Variants in AP3S2 observed in about 807,000 individuals in gnomAD.
AP3S2 encodes the protein AP-3 complex subunit sigma-2.
AP3S2 carries 22 observed loss-of-function variants against 23.4 expected under a neutral mutation model. The ratio of observed to expected loss-of-function variants is 0.94; its 90% CI spans 0.67 to 1.34. The LOEUF is 1.34. Ranked by LOEUF, AP3S2 falls within the 40% of genes most tolerant of loss-of-function variation. The probability of loss-of-function intolerance (pLI) is 0.00; values close to 1 mark genes in which losing one functional copy is unlikely to be tolerated. For missense variants in AP3S2, 241 were observed against 236.9 expected, an observed-to-expected ratio of 1.02 and a Z score of -0.11; for synonymous variants, 86 against 87.1, an observed-to-expected ratio of 0.99 and a Z score of 0.07.
At chr15:89,867,075 C>A (rs1596206713) in intron 4 of AP3S2, among the ~76,000 whole-genome samples, 1 of 146,082 alleles carries the variant, frequency 6.8e-6, no homozygotes, top group South Asian at 2.3e-4. Context: ...CATGCGGAGC[C>A]GAAGCTGGAC....
In AP3S2 at chr15:89,837,638, G is replaced by C. The variant is rs750158643; in HGVS notation, c.430C>G (p.Gln144Glu). The stretch of plus-strand genomic sequence containing the variant: ...ACCTCGGATTTCTCCAGCCTGTTTT[G>C]AGCCTCAATCTGAGCCACGATTTCA... ...MNEIVAQIEA[Q>E]NRLEKSEGGL... The change falls in exon 5 of 6, where the codon CAA (glutamine) becomes GAA (glutamate). Residue 144 changes from glutamine to glutamate, a missense_variant. By Grantham distance (29) the Gln-to-Glu change is conservative. Transcript: ENST00000336418. 6.8e-6 allele frequency: 11 copies of C among 1,613,980 alleles called. No homozygotes were observed. The highest frequency in any genetic ancestry group is 9.3e-6 in the Non-Finnish European group (11 of 1,180,026).
intron 3 of AP3S2, among the ~76,000 whole-genome samples, chr15:89,874,746 C>T (rs1896401923): frequency 6.6e-6 from 1 of 152,220 alleles, no homozygotes; most frequent in Non-Finnish European, 1.5e-5. Context: ...TGCACCACTG[C>T]ATTCCAGCCT....
At position 89,868,932 on chromosome 15, in the gene AP3S2, G is replaced by A. The variant is rs1232527590; in HGVS notation, c.345+2543C>T. On this transcript the variant is annotated intron_variant, in intron 4 of 5. Coordinates refer to ENST00000336418, the MANE Select transcript of AP3S2 (RefSeq NM_005829.5). ...GCCCCTCTGCCCGGCCAGCCGCCCC[G>A]TCCGGGAGGGAGGTGGGGGGGTCAG... Among the ~76,000 whole-genome samples the A allele has an allele frequency of 4.2e-5, 5 of 118,056 alleles. No homozygotes were observed. The South Asian group carries it at 7.9e-4, about 19-fold the overall frequency. The allele number at this position is 118,056 out of a possible 152,430, so 77.4% of individuals were successfully genotyped here. A position where few individuals can be genotyped will look rare whatever the true frequency, so the allele number is the denominator to read the frequency against.
At chr15:89,874,963 G>A (rs1360449843) in intron 3 of AP3S2, among the ~76,000 whole-genome samples, 1 of 152,082 alleles carries the variant, frequency 6.6e-6, no homozygotes, top group South Asian at 2.1e-4. Context: ...GTTATCCTTT[G>A]GGGGAAAAAT....
chr15:89,868,248 G>A (rs1227547120), intron 4 of AP3S2, among the ~76,000 whole-genome samples: 9 of 53,600 alleles, frequency 1.7e-4, no homozygotes, highest in East Asian at 7.1e-4. Context: ...CAGCCGCCCC[G>A]TCTGGGAGGT....
chr15:89,856,895 A>C (rs1895853731), intron 4 of AP3S2, among the ~76,000 whole-genome samples: 1 of 150,158 alleles, frequency 6.7e-6, no homozygotes, highest in African/African-American at 2.5e-5. Context: ...AAAGAAAAGA[A>C]AAGAAAAGAA....
intron 3 of AP3S2, chr15:89,877,145 G>A (rs1203951237): frequency 5.1e-6 from 2 of 395,880 alleles, no homozygotes; most frequent in Admixed American, 6.9e-5. Context: ...CTCACTTGAT[G>A]AAGAAAGTTA....
chr15:89,893,694 G>C (rs965586808), intron 1 of AP3S2, 187 bp downstream of exon 1: 1 of 590,452 alleles, frequency 1.7e-6, no homozygotes, highest in Admixed American at 3.1e-5. Flanking sequence ...CGGGGCAGTA[G>C]GGCGGGAGAC....
intron 4 of AP3S2, among the ~76,000 whole-genome samples, chr15:89,853,063 A>G (rs1895698463): frequency 1.3e-5 from 2 of 152,168 alleles, no homozygotes; most frequent in South Asian, 4.1e-4. Context: ...ACTTCCCTCA[A>G]TCACTCAGTG....
At position 89,878,352 on chromosome 15, in the gene AP3S2, A is replaced by G. The variant is rs891193399; in HGVS notation, c.274-6806T>C. 4 of 614,164 alleles carry G rather than the reference A, an allele frequency of 6.5e-6. No homozygotes were observed. The African/African-American group carries it at 7.7e-5, about 12-fold the overall frequency. 38.0% of individuals were successfully genotyped at this position (614,164 alleles called of 1,614,324 possible). On this transcript the variant is annotated intron_variant, in intron 3 of 5. Transcript: ENST00000336418. ...GTAGGAGAAAATATTTGCAATAAAT[A>G]TAACAAAAAAAGAATATGCATACAA...
At chr15:89,890,081 CAG>C (rs1336017539) in intron 1 of AP3S2, among the ~76,000 whole-genome samples, 1 of 151,972 alleles carries the variant, frequency 6.6e-6, no homozygotes, top group Non-Finnish European at 1.5e-5. Flanking sequence ...TATTTTTAGA[CAG>C]AGTCTTGTTC....
At chr15:89,860,199 T>G (rs1171626507) in intron 4 of AP3S2, among the ~76,000 whole-genome samples, 1 of 152,184 alleles carries the variant, frequency 6.6e-6, no homozygotes, top group Non-Finnish European at 1.5e-5. Context: ...GAATATGTCC[T>G]AAGACCCCCA....
At chr15:89,885,953 AAAATC>A (rs1420228118) in intron 3 of AP3S2, among the ~76,000 whole-genome samples, 1 of 152,036 alleles carries the variant, frequency 6.6e-6, no homozygotes, top group Non-Finnish European at 1.5e-5. Context: ...AAAAAAAAAA[AAAATC>A]AAACTTTTTA....
intron 4 of AP3S2, 59 bp downstream of exon 4, chr15:89,871,416 C>A: frequency 1.3e-6 from 2 of 1,542,992 alleles, no homozygotes; most frequent in Non-Finnish European, 1.8e-6. Context: ...GCTACAGATG[C>A]CCAAGGCTCT....
chr15:89,866,934 C>A (rs900125419), intron 4 of AP3S2, among the ~76,000 whole-genome samples: 7 of 151,774 alleles, frequency 4.6e-5, no homozygotes, highest in Non-Finnish European at 8.8e-5. Flanking sequence ...CACCTCAATA[C>A]ACCTCTCCAT....
chr15:89,875,097 C>A (rs1191766427), intron 3 of AP3S2, among the ~76,000 whole-genome samples: 1 of 152,222 alleles, frequency 6.6e-6, no homozygotes, highest in East Asian at 1.9e-4. Flanking sequence ...CCGGAAGGAG[C>A]TATTCAGTCT....
chr15:89,848,094 A>G (rs1449231747), intron 4 of AP3S2, among the ~76,000 whole-genome samples: 2 of 152,230 alleles, frequency 1.3e-5, no homozygotes, highest in Non-Finnish European at 2.9e-5. Flanking sequence ...TCTAATCTAG[A>G]TCAATCCCTC....
intron 4 of AP3S2, among the ~76,000 whole-genome samples, chr15:89,842,610 A>ATTTATT (rs1038113211): frequency 1.4e-5 from 2 of 146,472 alleles, no homozygotes; most frequent in African/African-American, 5.5e-5. Context: ...CAAGGACTTT[A>ATTTATT]TTTATTTTTA....
In AP3S2 at chr15:89,844,207, TTC is replaced by T. The variant is rs144151314; in HGVS notation, c.346-6487_346-6486del. On this transcript the variant is annotated intron_variant, in intron 4 of 5. Transcript: ENST00000336418. Reference sequence around the variant, plus strand: ...GGGCCAAAAAACCCTCTTTCTTTCTTTCTCTTTCTTTCTTTCTTTCTTTCTTT... The same window carrying T: ...GGGCCAAAAAACCCTCTTTCTTTCTTTCTTTCTTTCTTTCTTTCTTTCTTT... 9.0e-4 allele frequency among the ~76,000 whole-genome samples: 116 copies of T among 128,744 alleles called. 1 individual carries two copies. Among genetic ancestry groups the T allele is most frequent in the Admixed American group, 1.3e-3 (17 of 12,984 alleles). The allele number at this position is 128,744 out of a possible 152,430, so 84.5% of individuals were successfully genotyped here. A position where few individuals can be genotyped will look rare whatever the true frequency, so the allele number is the denominator to read the frequency against.
Sources: allele counts gnomAD v4.1 joint callset (sites outside exome capture counted in the v4.1 genomes callset), GRCh38; gene constraint gnomAD v4.1.1; transcripts MANE v1.5; gene names NCBI Gene and HGNC (gene_info 2026-07-23, HGNC 2026-07-21).